Variants in DGKI observed in about 807,000 individuals in gnomAD.
DGKI encodes the protein diacylglycerol kinase iota.
A neutral mutation model predicts 147.5 loss-of-function variants in DGKI; 55 were observed. The ratio of observed to expected loss-of-function variants is 0.37; its 90% CI spans 0.30 to 0.47. The LOEUF is 0.47. Among genes scored for constraint, DGKI ranks in the 20% least tolerant of loss-of-function variants. DGKI has a pLI of 1.00. For synonymous variants in DGKI, 469 were observed against 477.1 expected (o/e 0.98, Z 0.22); for missense variants, 1,007 against 1,323.8 (o/e 0.76, Z 3.71).
At chr7:137,409,706 C>G (rs888886770) in intron 29 of DGKI, among the ~76,000 whole-genome samples, 1 of 152,294 alleles carries the variant, frequency 6.6e-6, no homozygotes, top group South Asian at 2.1e-4. Flanking sequence ...AGCATGGGAC[C>G]TGTTCAGGGT....
intron 20 of DGKI, among the ~76,000 whole-genome samples, chr7:137,546,900 A>T (rs1817886919): frequency 6.6e-6 from 1 of 152,240 alleles, no homozygotes; most frequent in Non-Finnish European, 1.5e-5. Context: ...AAACAATAAT[A>T]GTTCTCAGCA....
At chr7:137,843,794 CA>C (rs1798627555) in intron 1 of DGKI, among the ~76,000 whole-genome samples, 3 of 151,478 alleles carry the variant, frequency 2.0e-5, no homozygotes, top group Non-Finnish European at 4.4e-5. Context: ...CACACACACA[CA>C]CCCTCTCTCC....
chr7:137,486,187 T>A (rs1162636319), intron 22 of DGKI, among the ~76,000 whole-genome samples: 1 of 152,168 alleles, frequency 6.6e-6, no homozygotes, highest in African/African-American at 2.4e-5. Context: ...TCCTCTTTAT[T>A]TGTTGAGTTG....
chr7:137,821,926 T>C (rs182236468), intron 1 of DGKI, among the ~76,000 whole-genome samples: 3 of 152,188 alleles, frequency 2.0e-5, no homozygotes, highest in East Asian at 3.9e-4. Flanking sequence ...AGAGAGTAAT[T>C]AGACCCCCAT....
intron 20 of DGKI, 47 bp downstream of exon 20, chr7:137,552,322 T>C: frequency 6.2e-7 from 1 of 1,603,778 alleles, no homozygotes; most frequent in South Asian, 1.1e-5. Context: ...TGCACTCTCC[T>C]CTCCAAGGTC....
At chr7:137,828,057 G>A (rs578205031) in intron 1 of DGKI, among the ~76,000 whole-genome samples, 11 of 152,178 alleles carry the variant, frequency 7.2e-5, no homozygotes, top group African/African-American at 1.2e-4. Context: ...CCCGCTGACC[G>A]CCCGCTCTCT....
intron 8 of DGKI, among the ~76,000 whole-genome samples, chr7:137,610,375 C>A (rs2082881956): frequency 6.6e-6 from 1 of 152,134 alleles, no homozygotes; most frequent in Admixed American, 6.5e-5. Flanking sequence ...CTTTCTCTTT[C>A]TAGAAACTTT....
intron 23 of DGKI, among the ~76,000 whole-genome samples, chr7:137,481,270 C>G (rs1815362882): frequency 1.3e-5 from 2 of 152,162 alleles, no homozygotes; most frequent in African/African-American, 4.8e-5. Context: ...GCCTCTATTC[C>G]TTAGTACCTT....
intron 8 of DGKI, among the ~76,000 whole-genome samples, chr7:137,615,524 T>A (rs1820499846): frequency 7.1e-6 from 1 of 140,744 alleles, no homozygotes; most frequent in South Asian, 2.3e-4. Flanking sequence ...TATGTGTATA[T>A]GTATGTATGT....
At position 137,679,201 on chromosome 7, in the gene DGKI, G is replaced by A. The variant is rs562872757; in HGVS notation, c.511-549C>T. Among the ~76,000 whole-genome samples, 24 of 152,286 alleles carry A rather than the reference G, an allele frequency of 1.6e-4. 1 individual carries two copies. Among genetic ancestry groups the A allele is most frequent in the African/African-American group, 4.3e-4 (18 of 41,560 alleles). ...TCCCTGTGTACTCAAAGCATAATACGTTTCTGCTAATTCACATCTTACTAA... is the reference window on the plus strand; with the variant it reads ...TCCCTGTGTACTCAAAGCATAATACATTTCTGCTAATTCACATCTTACTAA... On this transcript the variant is annotated intron_variant, in intron 2 of 32. Coordinates refer to ENST00000614521, the MANE Select transcript of DGKI (RefSeq NM_001321708.2).
intron 1 of DGKI, among the ~76,000 whole-genome samples, chr7:137,736,291 T>C (rs1489197905): frequency 6.6e-6 from 1 of 152,100 alleles, no homozygotes; most frequent in Admixed American, 6.6e-5. Flanking sequence ...ATATTTAGCA[T>C]GCAATCTCCA....
In DGKI at chr7:137,382,727, C is replaced by T. The variant is rs1256755208; in HGVS notation, c.*8493G>A. On this transcript the variant is annotated 3_prime_UTR_variant, in exon 33 of 33. Transcript: ENST00000614521. ...TTTTTTCCTTTCCTCACAACTCTGC[C>T]CCTCTTTTATGCCCCCAAACCAGAG... The T allele has an allele frequency of 6.6e-6, 1 of 151,896 alleles. No homozygotes were observed. Among genetic ancestry groups the T allele is most frequent in the African/African-American group, 2.4e-5 (1 of 41,338 alleles). 9.4% of individuals were successfully genotyped at this position (151,896 alleles called of 1,614,324 possible). A position where few individuals can be genotyped will look rare whatever the true frequency, so the allele number is the denominator to read the frequency against.
intron 19 of DGKI, among the ~76,000 whole-genome samples, chr7:137,566,190 TA>T (rs1305040246): frequency 6.6e-6 from 1 of 152,162 alleles, no homozygotes; most frequent in Non-Finnish European, 1.5e-5. Flanking sequence ...GCAGCTATAT[TA>T]AATATGCAAA....
In DGKI at chr7:137,609,615, G is replaced by A. The variant is rs1449827218; in HGVS notation, c.994-6C>T. 1 of 1,611,054 alleles carries A rather than the reference G, an allele frequency of 6.2e-7. No homozygotes were observed. Among genetic ancestry groups the A allele is most frequent in the South Asian group, 1.1e-5 (1 of 90,906 alleles). On this transcript the variant is annotated splice_polypyrimidine_tract_variant and splice_region_variant and intron_variant, in intron 8 of 32. Transcript: ENST00000614521. ...TTTGAAGCCTTCAGGGAGTTCTGTAGGGAGAGAGAGAAATGCCTGAGCTCA... is the reference window on the plus strand; with the variant it reads ...TTTGAAGCCTTCAGGGAGTTCTGTAAGGAGAGAGAGAAATGCCTGAGCTCA...
At chr7:137,628,767 C>T (rs540759046) in intron 6 of DGKI, among the ~76,000 whole-genome samples, 1 of 152,016 alleles carries the variant, frequency 6.6e-6, no homozygotes, top group East Asian at 1.9e-4. Flanking sequence ...TCAAATTGAG[C>T]CTTTGGAATA....
At chr7:137,741,174 A>G (rs1795162354) in intron 1 of DGKI, among the ~76,000 whole-genome samples, 1 of 152,244 alleles carries the variant, frequency 6.6e-6, no homozygotes, top group Non-Finnish European at 1.5e-5. Context: ...GAGAAAAGCA[A>G]TCCAGCAGGT....
At chr7:137,726,024 C>T (rs529886761) in intron 1 of DGKI, among the ~76,000 whole-genome samples, 1 of 152,292 alleles carries the variant, frequency 6.6e-6, no homozygotes, top group Middle Eastern at 3.4e-3. Flanking sequence ...CATGCCTTGT[C>T]TGGGGACCAA....
At chr7:137,467,168 C>G (rs1814692971) in intron 24 of DGKI, among the ~76,000 whole-genome samples, 1 of 152,210 alleles carries the variant, frequency 6.6e-6, no homozygotes, top group African/African-American at 2.4e-5. Flanking sequence ...CTAAATCATA[C>G]TTGTCTTTAA....
chr7:137,839,655 A>G (rs896591345), intron 1 of DGKI, among the ~76,000 whole-genome samples: 1 of 152,238 alleles, frequency 6.6e-6, no homozygotes, highest in African/African-American at 2.4e-5. Flanking sequence ...GCTCTTCACC[A>G]GTACTCTCCT....
Sources: gnomAD v4.1 joint callset for allele counts (sites outside exome capture counted in the v4.1 genomes callset) on GRCh38, gnomAD v4.1.1 for gene constraint, MANE v1.5 for transcripts, NCBI Gene and HGNC (gene_info 2026-07-23, HGNC 2026-07-21) for gene names.